Variants in SORCS2 observed in about 807,000 individuals in gnomAD.
The protein encoded by SORCS2 is VPS10 domain-containing receptor SorCS2.
SORCS2 carries 100 observed loss-of-function variants against 141.6 expected under a neutral mutation model. That is an observed-to-expected ratio of 0.71 (90% CI 0.60 to 0.83). The LOEUF is 0.83. Among genes scored for constraint, SORCS2 ranks in the 40% least tolerant of loss-of-function variants. The pLI, the probability that SORCS2 is intolerant of heterozygous loss-of-function variation, is 0.00. For synonymous variants in SORCS2, 789 were observed against 676.9 expected (o/e 1.17, Z -2.57); for missense variants, 1,646 against 1,560.2 (o/e 1.05, Z -0.93).
At chr4:7,564,774 C>A (rs1339102834) in intron 3 of SORCS2, among the ~76,000 whole-genome samples, 1 of 152,206 alleles carries the variant, frequency 6.6e-6, no homozygotes, top group South Asian at 2.1e-4. Flanking sequence ...ATGCCACAGT[C>A]GCTGTTACAA....
At chr4:7,306,585 C>G (rs562652402) in intron 1 of SORCS2, among the ~76,000 whole-genome samples, 2 of 152,202 alleles carry the variant, frequency 1.3e-5, no homozygotes, top group African/African-American at 4.8e-5. Flanking sequence ...ATATGGCTCT[C>G]AGGCCACTGA....
intron 2 of SORCS2, among the ~76,000 whole-genome samples, chr4:7,404,395 C>T (rs754174735): frequency 7.9e-5 from 12 of 152,080 alleles, no homozygotes; most frequent in Admixed American, 2.0e-4. Flanking sequence ...ATCTAATGGT[C>T]ATTCTATTTT....
intron 1 of SORCS2, among the ~76,000 whole-genome samples, chr4:7,338,144 G>A (rs1720109737): frequency 6.6e-6 from 1 of 150,934 alleles, no homozygotes; most frequent in Non-Finnish European, 1.5e-5. Context: ...GATGTTGGTT[G>A]CATGGATGGA....
At chr4:7,389,952 A>G (rs986152230) in intron 1 of SORCS2, among the ~76,000 whole-genome samples, 2 of 152,138 alleles carry the variant, frequency 1.3e-5, no homozygotes, top group Non-Finnish European at 2.9e-5. Flanking sequence ...TTGCCAGGGT[A>G]GCCCCTCAAA....
chr4:7,632,290 A>C (rs1418272188), intron 3 of SORCS2, among the ~76,000 whole-genome samples: 1 of 152,194 alleles, frequency 6.6e-6, no homozygotes, highest in African/African-American at 2.4e-5. Context: ...CTAATTTCAA[A>C]AAACCAGCCT....
chr4:7,245,504 G>A (rs1713023401), intron 1 of SORCS2, among the ~76,000 whole-genome samples: 1 of 152,256 alleles, frequency 6.6e-6, no homozygotes, highest in African/African-American at 2.4e-5. Flanking sequence ...ATTCCACTCT[G>A]GCTCTTGCTA....
Position 7,737,145 on chromosome 4 carries a change from A to T in SORCS2, c.3388A>T (p.Ser1130Cys), listed in dbSNP as rs1475632915. The T allele has an allele frequency of 1.9e-6, 3 of 1,551,260 alleles. No homozygotes were observed. The African/African-American group carries it at 4.1e-5, about 21-fold the overall frequency. The stretch of plus-strand genomic sequence containing the variant: ...GGAGATGACCAGCCCTGTGAGTCAC[A>T]GTGAGGACGTCCAGGGCGCTGTCCA... ...EQEMTSPVSHSEDVQGAVQGN... is the reference protein window; with the variant it reads ...EQEMTSPVSHCEDVQGAVQGN... The change falls in exon 26 of 27, where the codon AGT (serine) becomes TGT (cysteine). Residue 1130 changes from serine to cysteine, a missense_variant. Coordinates refer to ENST00000507866, the MANE Select transcript of SORCS2 (RefSeq NM_020777.3).
At chr4:7,706,825 G>A (rs140398092) in intron 14 of SORCS2, among the ~76,000 whole-genome samples, 236 of 151,930 alleles carry the variant, frequency 1.6e-3, no homozygotes, top group African/African-American at 5.5e-3. Context: ...GTCTGGGCAG[G>A]GATGAGGCTG....
chr4:7,324,855 C>T (rs528113904), intron 1 of SORCS2, among the ~76,000 whole-genome samples: 4 of 152,176 alleles, frequency 2.6e-5, no homozygotes, highest in South Asian at 4.1e-4. Context: ...AAACCGAGGG[C>T]GGTTTTGTCA....
In SORCS2 at chr4:7,233,784, G is replaced by A. The variant is rs1056646198; in HGVS notation, c.480+40658G>A. 6.6e-6 allele frequency among the ~76,000 whole-genome samples: 1 copy of A among 152,164 alleles called. No homozygotes were observed. The highest frequency in any genetic ancestry group is 1.5e-5 in the Non-Finnish European group (1 of 68,032). The stretch of plus-strand genomic sequence containing the variant: ...CTCAGGCGAGCCTGTACTCCTGCAC[G>A]CCTCAGTTTTCCTGTCTGTAAAATG... On this transcript the variant is annotated intron_variant, in intron 1 of 26. Transcript: ENST00000507866. This position sits in a 1 kb window ranked among gnomAD's most constrained non-coding sequence, Gnocchi z 4.5.
At chr4:7,644,570 G>A (rs1474639252) in intron 4 of SORCS2, among the ~76,000 whole-genome samples, 4 of 152,180 alleles carry the variant, frequency 2.6e-5, no homozygotes, top group South Asian at 2.1e-4. Context: ...GCAGTGAAAC[G>A]AGGCACCCTG....
intron 1 of SORCS2, among the ~76,000 whole-genome samples, chr4:7,353,799 G>A (rs550752553): frequency 5.3e-4 from 80 of 152,302 alleles, no homozygotes; most frequent in Non-Finnish European, 8.7e-4. Flanking sequence ...GTTTAAGTCC[G>A]ACCCTTATGA....
At chr4:7,438,770 C>G (rs1210220163) in intron 2 of SORCS2, among the ~76,000 whole-genome samples, 1 of 152,110 alleles carries the variant, frequency 6.6e-6, no homozygotes, top group East Asian at 1.9e-4. Flanking sequence ...ACCTGTCCCA[C>G]TTGCTTCGAG....
At chr4:7,213,657 T>C (rs1479789437) in intron 1 of SORCS2, among the ~76,000 whole-genome samples, 2 of 152,142 alleles carry the variant, frequency 1.3e-5, no homozygotes, top group African/African-American at 2.4e-5. Flanking sequence ...GGGGTCTCAT[T>C]TTACAGATGA....
intron 3 of SORCS2, among the ~76,000 whole-genome samples, chr4:7,605,862 A>C (rs556666652): frequency 3.1e-4 from 47 of 152,254 alleles, no homozygotes; most frequent in African/African-American, 1.1e-3. Context: ...GGCTGCAGCC[A>C]GTGGGTGGTG....
chr4:7,484,535 A>G (rs1291686312), intron 2 of SORCS2, among the ~76,000 whole-genome samples: 1 of 152,190 alleles, frequency 6.6e-6, no homozygotes, highest in Non-Finnish European at 1.5e-5. Context: ...TTATAAGGAT[A>G]GAAAGGGCTT....
intron 2 of SORCS2, among the ~76,000 whole-genome samples, chr4:7,413,445 G>C (rs1472581203): frequency 1.5e-5 from 2 of 129,146 alleles, no homozygotes; most frequent in Non-Finnish European, 3.2e-5. Context: ...CCAGGCTGGA[G>C]TTCAGTGGTG....
intron 1 of SORCS2, among the ~76,000 whole-genome samples, chr4:7,376,856 C>A (rs964327599): frequency 4.6e-5 from 7 of 152,188 alleles, no homozygotes; most frequent in Non-Finnish European, 8.8e-5. Context: ...TCTCAAGCCT[C>A]CCCAGATGTC....
At chr4:7,685,434 A>G (rs1723812362) in intron 10 of SORCS2, among the ~76,000 whole-genome samples, 1 of 152,156 alleles carries the variant, frequency 6.6e-6, no homozygotes, top group Admixed American at 6.5e-5. Flanking sequence ...GCACTTTGGG[A>G]GGCCGAGGCA....
Sources: allele counts gnomAD v4.1 joint callset (sites outside exome capture counted in the v4.1 genomes callset), GRCh38; gene constraint gnomAD v4.1.1; non-coding constraint Gnocchi (gnomAD v3.1); transcripts MANE v1.5; gene names NCBI Gene and HGNC (gene_info 2026-07-23, HGNC 2026-07-21).